The following TBC1D32 variants were observed in gnomAD, a reference collection of about 807,000 sequenced individuals.
The protein encoded by TBC1D32 is TBC1 domain family member 32.
Under a neutral mutation model 170.3 loss-of-function variants are expected in TBC1D32, and 151 were observed. That is an observed-to-expected ratio of 0.89 (90% CI 0.78 to 1.01). The LOEUF (loss-of-function observed/expected upper bound fraction) is 1.01. Ranked by LOEUF, TBC1D32 falls within the 50% of genes least tolerant of loss-of-function variation. The pLI, the probability that TBC1D32 is intolerant of heterozygous loss-of-function variation, is 0.00. For synonymous variants in TBC1D32, 498 were observed against 488.0 expected, an observed-to-expected ratio of 1.02 and a Z score of -0.27; for missense variants, 1,464 against 1,457.1, an observed-to-expected ratio of 1.00 and a Z score of -0.08.
chr6:121,174,414 C>T (rs1787476627), intron 22 of TBC1D32, among the ~76,000 whole-genome samples: 4 of 152,016 alleles, frequency 2.6e-5, no homozygotes, highest in Admixed American at 2.6e-4. Flanking sequence ...CCAGAGTAAA[C>T]TGAATCAAAA....
At chr6:121,176,007 A>C (rs1787715709) in intron 22 of TBC1D32, among the ~76,000 whole-genome samples, 1 of 152,226 alleles carries the variant, frequency 6.6e-6, no homozygotes, top group South Asian at 2.1e-4. Context: ...TACTGTTTTA[A>C]ATGTTGGCAA....
At chr6:121,235,498 C>G (rs1282890575) in intron 20 of TBC1D32, among the ~76,000 whole-genome samples, 1 of 152,092 alleles carries the variant, frequency 6.6e-6, no homozygotes, top group South Asian at 2.1e-4. Context: ...GGCTGCCTCT[C>G]CTGAGTCATA....
At position 121,299,485 on chromosome 6, in the gene TBC1D32, A is replaced by T. The variant is rs1332010940; in HGVS notation, c.1101T>A (p.Thr367=). The change falls in exon 10 of 32, where the codon ACT becomes ACA. Residue 367 remains threonine, a synonymous_variant. Coordinates refer to ENST00000398212, the MANE Select transcript of TBC1D32 (RefSeq NM_152730.6). The part of the protein sequence containing the change: ...KKWMHAHYSR[T]TVLRLLETKY... Reference sequence around the variant, plus strand: ...TCGTTTCAAGAAGTCTTAATACTGTAGTTCTGCTATAATGTGCATGCTAAA... The same window carrying T: ...TCGTTTCAAGAAGTCTTAATACTGTTGTTCTGCTATAATGTGCATGCTAAA... 1 of 1,513,054 alleles carries T rather than the reference A, an allele frequency of 6.6e-7. No individual in the cohort carries two copies. The highest frequency in any genetic ancestry group is 1.4e-5 in the African/African-American group (1 of 73,388). 93.7% of individuals were successfully genotyped at this position (1,513,054 alleles called of 1,614,324 possible).
At chr6:121,198,488 A>T (rs1198635953) in intron 22 of TBC1D32, among the ~76,000 whole-genome samples, 1 of 150,696 alleles carries the variant, frequency 6.6e-6, no homozygotes, top group Non-Finnish European at 1.5e-5. Context: ...ACGGTGGCTC[A>T]TGCCAGTAAT....
rs539363312 is a variant in TBC1D32, at chr6:121,322,550, T to C, written c.156-756A>G. On this transcript the variant is annotated intron_variant, in intron 1 of 31. Transcript: ENST00000398212. ...TTTCCTTGTTTCTCAACGACTGATA[T>C]CCTTTCTCACCTAAGACCCAAAAGT... Among the ~76,000 whole-genome samples, 8 of 152,334 alleles carry C rather than the reference T, an allele frequency of 5.3e-5. No homozygotes were observed. In the South Asian group the frequency reaches 1.7e-3, roughly 32 times the overall value.
At chr6:121,160,340 C>T (rs1785457447) in intron 23 of TBC1D32, among the ~76,000 whole-genome samples, 1 of 151,812 alleles carries the variant, frequency 6.6e-6, no homozygotes. Context: ...CATATGGTAA[C>T]TTGTAGTAAG....
intron 22 of TBC1D32, among the ~76,000 whole-genome samples, chr6:121,201,283 A>G (rs916043475): frequency 6.6e-6 from 1 of 151,480 alleles, no homozygotes; most frequent in Non-Finnish European, 1.5e-5. Context: ...CACTTCACAT[A>G]TTAGGTAACT....
chr6:121,098,375 T>G (rs1777659106), intron 30 of TBC1D32, among the ~76,000 whole-genome samples: 2 of 151,988 alleles, frequency 1.3e-5, no homozygotes, highest in Admixed American at 1.3e-4. Flanking sequence ...ATAGAAGAAG[T>G]ACCAGTAAAG....
intron 1 of TBC1D32, among the ~76,000 whole-genome samples, chr6:121,333,450 A>G (rs9320808): frequency 0.64 from 97,857 of 152,026 alleles, 37,009 homozygotes; most frequent in Non-Finnish European, 0.85. Flanking sequence ...CATGTATCAC[A>G]GACATTTAGT....
intron 15 of TBC1D32, among the ~76,000 whole-genome samples, chr6:121,258,527 C>T (rs1483896129): frequency 6.6e-6 from 1 of 151,520 alleles, no homozygotes; most frequent in Non-Finnish European, 1.5e-5. Context: ...AAGGTATAAT[C>T]CTAGATATCT....
intron 31 of TBC1D32, among the ~76,000 whole-genome samples, chr6:121,088,649 A>C (rs1776495229): frequency 6.6e-6 from 1 of 152,182 alleles, no homozygotes; most frequent in African/African-American, 2.4e-5. Flanking sequence ...TACCCACTGA[A>C]AATAAAACAA....
intron 22 of TBC1D32, among the ~76,000 whole-genome samples, chr6:121,173,926 A>AT (rs1489518208): frequency 6.6e-6 from 1 of 151,726 alleles, no homozygotes; most frequent in Non-Finnish European, 1.5e-5. Flanking sequence ...AAAATAAAAA[A>AT]AAAAGATAAA....
intron 21 of TBC1D32, among the ~76,000 whole-genome samples, chr6:121,218,562 A>C (rs1037571307): frequency 1.4e-4 from 22 of 152,154 alleles, no homozygotes; most frequent in Non-Finnish European, 7.3e-5. Flanking sequence ...GGCACCCTCT[A>C]ATCAGCTGTC....
chr6:121,208,555 G>A (rs1380079905), intron 21 of TBC1D32, among the ~76,000 whole-genome samples: 2 of 151,860 alleles, frequency 1.3e-5, no homozygotes, highest in East Asian at 1.9e-4. Context: ...CGAGATCTGG[G>A]TAGGGACACA....
chr6:121,311,046 T>C (rs1459107561), intron 3 of TBC1D32, among the ~76,000 whole-genome samples, 199 bp from the exon 4 acceptor site: 1 of 152,202 alleles, frequency 6.6e-6, no homozygotes, highest in Non-Finnish European at 1.5e-5. Context: ...GTAGAAAGTG[T>C]ACCTTCATGT....
At chr6:121,287,841 A>T (rs1269164095) in intron 12 of TBC1D32, among the ~76,000 whole-genome samples, 1 of 152,240 alleles carries the variant, frequency 6.6e-6, no homozygotes, top group Admixed American at 6.5e-5. Flanking sequence ...ACTCAGGATT[A>T]GGAAACTCAC....
intron 5 of TBC1D32, among the ~76,000 whole-genome samples, chr6:121,305,997 A>G (rs982825249): frequency 6.6e-6 from 1 of 152,154 alleles, no homozygotes; most frequent in South Asian, 2.1e-4. Flanking sequence ...TTCATAATTT[A>G]TAAAATAAAG....
intron 17 of TBC1D32, among the ~76,000 whole-genome samples, chr6:121,245,308 G>A (rs1425851696): frequency 6.6e-6 from 1 of 152,202 alleles, no homozygotes; most frequent in Non-Finnish European, 1.5e-5. Context: ...CACAGCACCA[G>A]CCTGGAGCCT....
At chr6:121,156,543 A>G (rs2128239746) in intron 24 of TBC1D32, among the ~76,000 whole-genome samples, 1 of 149,652 alleles carries the variant, frequency 6.7e-6, no homozygotes, top group South Asian at 2.1e-4. Flanking sequence ...TTAATTATTT[A>G]TTTTCTTTTG....
Sources: gnomAD v4.1 joint callset for allele counts (sites outside exome capture counted in the v4.1 genomes callset) on GRCh38, gnomAD v4.1.1 for gene constraint, MANE v1.5 for transcripts, NCBI Gene and HGNC (gene_info 2026-07-23, HGNC 2026-07-21) for gene names.